The following TRAP1 variants were observed in gnomAD, a reference collection of about 807,000 sequenced individuals.
The protein encoded by TRAP1 is heat shock protein 75 kDa, mitochondrial.
Under a neutral mutation model 89.1 loss-of-function variants are expected in TRAP1, and 102 were observed. The ratio of observed to expected loss-of-function variants is 1.15; its 90% CI spans 0.98 to 1.35. TRAP1 has a LOEUF of 1.35. Ranked by LOEUF, TRAP1 falls within the 40% of genes most tolerant of loss-of-function variation. The pLI, the probability that TRAP1 is intolerant of heterozygous loss-of-function variation, is 0.00. For synonymous variants in TRAP1, 508 were observed against 388.0 expected (o/e 1.31, Z -3.64); for missense variants, 1,256 against 945.3 (o/e 1.33, Z -4.31).
At position 3,674,388 on chromosome 16, in the gene TRAP1, T is replaced by C. The variant is rs1435826588; in HGVS notation, c.995A>G (p.Lys332Arg). 1.9e-6 allele frequency: 3 copies of C among 1,614,080 alleles called. No individual in the cohort carries two copies. Among genetic ancestry groups the C allele is most frequent in the Admixed American group, 1.7e-5 (1 of 60,014 alleles). ...HDKPRYTLHYKTDAPLNIRSI... is the reference protein window; with the variant it reads ...HDKPRYTLHYRTDAPLNIRSI... ...GCGGATGTTGAGCGGTGCGTCCGTC[T>C]TATAGTGCAGGGTGTAGCGGGGCTT... The change falls in exon 9 of 18, where the codon AAG becomes AGG. Residue 332 changes from lysine to arginine, a missense_variant. By Grantham distance (26) the Lys-to-Arg change is conservative. Coordinates refer to ENST00000246957, the MANE Select transcript of TRAP1 (RefSeq NM_016292.3).
chr16:3,707,316 G>T (rs1446302386), intron 1 of TRAP1, among the ~76,000 whole-genome samples: 2 of 149,240 alleles, frequency 1.3e-5, no homozygotes, highest in Non-Finnish European at 3.0e-5. Flanking sequence ...CTCCCAAGTA[G>T]CTGGGACTAC....
intron 11 of TRAP1, among the ~76,000 whole-genome samples, chr16:3,670,411 A>AAAAAAAAAAAAAAC (rs2050897453): frequency 6.9e-6 from 1 of 144,328 alleles, no homozygotes; most frequent in Non-Finnish European, 1.5e-5. Flanking sequence ...AAAAAAAAAA[A>AAAAAAAAAAAAAAC]TCTAAGTGGC....
chr16:3,661,235 G>C (rs1300685948), intron 16 of TRAP1: 6 of 152,142 alleles, frequency 3.9e-5, no homozygotes, highest in African/African-American at 7.2e-5. Context: ...TCACATTCAT[G>C]GGTGCAAAGA....
At chr16:3,712,723 T>C (rs2051548764) in intron 1 of TRAP1, among the ~76,000 whole-genome samples, 1 of 152,186 alleles carries the variant, frequency 6.6e-6, no homozygotes, top group Non-Finnish European at 1.5e-5. Flanking sequence ...CAAGCAATTC[T>C]CGTGCCTCAG....
intron 8 of TRAP1, among the ~76,000 whole-genome samples, 184 bp downstream of exon 8, chr16:3,675,140 A>AC (rs919751655): frequency 6.6e-6 from 1 of 152,028 alleles, no homozygotes; most frequent in Non-Finnish European, 1.5e-5. Context: ...TGCCCGGTGC[A>AC]CAGGGGCAGG....
intron 17 of TRAP1, 104 bp from the exon 18 acceptor site, chr16:3,658,334 G>A: frequency 1.1e-6 from 1 of 918,516 alleles, no homozygotes; most frequent in Non-Finnish European, 1.7e-6. Context: ...GAGTGCAGAG[G>A]CACGATCTCG....
At chr16:3,690,014 CT>C (rs900787873) in intron 2 of TRAP1, among the ~76,000 whole-genome samples, 18 of 147,990 alleles carry the variant, frequency 1.2e-4, no homozygotes, top group African/African-American at 2.2e-4. Flanking sequence ...TATGTTCTTT[CT>C]TTTTTTTTTA....
chr16:3,717,126 C>G (rs1055969796), intron 1 of TRAP1, among the ~76,000 whole-genome samples: 2 of 152,376 alleles, frequency 1.3e-5, no homozygotes, highest in East Asian at 3.9e-4. Flanking sequence ...TGGACCGAAG[C>G]TCCAGGAGGG....
At chr16:3,662,725 C>T (rs569106160) in intron 15 of TRAP1, 157 bp downstream of exon 15, 24 of 728,556 alleles carry the variant, frequency 3.3e-5, no homozygotes, top group Middle Eastern at 4.5e-4. Flanking sequence ...CCGAGCAACA[C>T]GTGCCGAGCA....
In TRAP1 at chr16:3,677,607, C is replaced by T. The variant is rs544390903; in HGVS notation, c.595G>A (p.Gly199Ser). 9 of 1,614,068 alleles carry T rather than the reference C, an allele frequency of 5.6e-6. No individual in the cohort carries two copies. The highest frequency in any genetic ancestry group is 4.0e-5 in the African/African-American group (3 of 75,010). The change falls in exon 6 of 18, where the codon GGC (glycine) becomes AGC (serine). Residue 199 changes from glycine (G) to serine (S), a missense_variant. Coordinates refer to ENST00000246957, the MANE Select transcript of TRAP1 (RefSeq NM_016292.3). ...GAGTAGAAACCCACTCCAAACTGGC[C>T]GATGATCTTGCTGCTGGCCTCAGCC... ...NQAEASSKII[G>S]QFGVGFYSAF...
Position 3,663,434 on chromosome 16 carries a change from G to A in TRAP1, c.1698C>T (p.Asp566=), listed in dbSNP as rs1259433982. Residue 566 remains aspartate, a synonymous_variant, in exon 14 of 18, where the codon GAC becomes GAT. Coordinates refer to ENST00000246957, the MANE Select transcript of TRAP1 (RefSeq NM_016292.3). The part of the protein sequence containing the change: ...VDHYKEEKFE[D]RSPAAECLSE... ...GCAGGGGATGCCGACCTGGGGACCTGTCCTCAAACTTCTCCTCCTTGTAGT... is the reference window on the plus strand; with the variant it reads ...GCAGGGGATGCCGACCTGGGGACCTATCCTCAAACTTCTCCTCCTTGTAGT... 3 of 1,614,074 alleles carry A rather than the reference G, an allele frequency of 1.9e-6. No homozygotes were observed. The Admixed American group carries it at 5.0e-5, about 27-fold the overall frequency.
intron 1 of TRAP1, among the ~76,000 whole-genome samples, chr16:3,706,264 C>CT (rs2051443917): frequency 6.6e-6 from 1 of 151,900 alleles, no homozygotes; most frequent in Admixed American, 6.6e-5. Flanking sequence ...CAGCTTCCAA[C>CT]TTTTTACTGT....
At chr16:3,702,818 G>A (rs975394805) in intron 1 of TRAP1, among the ~76,000 whole-genome samples, 5 of 151,426 alleles carry the variant, frequency 3.3e-5, no homozygotes, top group East Asian at 1.9e-4. Context: ...TGTGGTAGGC[G>A]GATCACCTGA....
At chr16:3,715,463 TAAAG>T (rs764195082) in intron 1 of TRAP1, among the ~76,000 whole-genome samples, 8 of 151,370 alleles carry the variant, frequency 5.3e-5, no homozygotes, top group Non-Finnish European at 8.8e-5. Context: ...GAAAAAGAGA[TAAAG>T]AAACAGAATT....
rs1211083116 is a variant in TRAP1, at chr16:3,658,924, T to C, written c.1941-59A>G. 3 of 1,564,698 alleles carry C rather than the reference T, an allele frequency of 1.9e-6. No homozygotes were observed. In the African/African-American group the frequency reaches 4.1e-5, roughly 21 times the overall value. On this transcript the variant is annotated intron_variant, in intron 16 of 17. Coordinates refer to ENST00000246957, the MANE Select transcript of TRAP1 (RefSeq NM_016292.3). The stretch of plus-strand genomic sequence containing the variant: ...AGTACCACGTGCTGTGACCCTCCCT[T>C]CATGTTTTGGGATTATCAGGATATT...
intron 1 of TRAP1, among the ~76,000 whole-genome samples, chr16:3,697,589 G>A (rs556019978): frequency 6.6e-5 from 10 of 150,710 alleles, no homozygotes; most frequent in African/African-American, 1.7e-4. Context: ...GCATGAACCC[G>A]GGAGACGGAG....
At chr16:3,693,749 T>A (rs1439284292) in intron 1 of TRAP1, among the ~76,000 whole-genome samples, 1 of 152,012 alleles carries the variant, frequency 6.6e-6, no homozygotes, top group Admixed American at 6.6e-5. Flanking sequence ...TCCCAGCACT[T>A]TGGGAGGCCA....
Position 3,688,990 on chromosome 16 carries a change from G to T in TRAP1, c.330+65C>A, listed in dbSNP as rs1382165814. 7.7e-6 allele frequency: 11 copies of T among 1,437,798 alleles called. No individual in the cohort carries two copies. The East Asian group carries it at 2.3e-4, about 30-fold the overall frequency. The allele number at this position is 1,437,798 out of a possible 1,614,324, so 89.1% of individuals were successfully genotyped here. A position where few individuals can be genotyped will look rare whatever the true frequency, so the allele number is the denominator to read the frequency against. ...TATTATCTGGCAATTCTCCAGAATGGCATAAAAACCAGCTTTGTGAAAAGA... is the reference window on the plus strand; with the variant it reads ...TATTATCTGGCAATTCTCCAGAATGTCATAAAAACCAGCTTTGTGAAAAGA... On this transcript the variant is annotated intron_variant, in intron 3 of 17. Transcript: ENST00000246957.
rs2051203774 is a variant in TRAP1, at chr16:3,690,836, T to G, written c.238A>C (p.Ser80Arg). 1 of 1,511,420 alleles carries G rather than the reference T, an allele frequency of 6.6e-7. No homozygotes were observed. Among genetic ancestry groups the G allele is most frequent in the South Asian group, 1.3e-5 (1 of 76,792 alleles). 93.6% of individuals were successfully genotyped at this position (1,511,420 alleles called of 1,614,324 possible). The change falls in exon 2 of 18, where the codon AGC becomes CGC. Residue 80 changes from serine to arginine, a missense_variant. Ser to Arg is a moderately radical substitution (Grantham distance 110). Coordinates refer to ENST00000246957, the MANE Select transcript of TRAP1 (RefSeq NM_016292.3). Reference protein sequence around the residue: ...PLHSIISSTESVQGSTSKHEF... With the variant: ...PLHSIISSTERVQGSTSKHEF... Reference sequence around the variant, plus strand: ...CACGAGCCAAGGCTACCCTGCACGCTCTCTGTGCTGCTGATAATCGAGTGC... The same window carrying G: ...CACGAGCCAAGGCTACCCTGCACGCGCTCTGTGCTGCTGATAATCGAGTGC...
Sources: gnomAD v4.1 joint callset for allele counts (sites outside exome capture counted in the v4.1 genomes callset) on GRCh38, gnomAD v4.1.1 for gene constraint, MANE v1.5 for transcripts, NCBI Gene and HGNC (gene_info 2026-07-23, HGNC 2026-07-21) for gene names.